The following FCHSD2 variants were observed in gnomAD, a reference collection of about 807,000 sequenced individuals.
The protein encoded by FCHSD2 is FCH and double SH3 domains 2, also known as F-BAR and double SH3 domains protein 2.
FCHSD2 carries 38 observed loss-of-function variants against 108.1 expected under a neutral mutation model. That is an observed-to-expected ratio of 0.35 (90% CI 0.27 to 0.46). The LOEUF (loss-of-function observed/expected upper bound fraction) is 0.46, where lower values mean the gene tolerates loss of function less well. Ranked by LOEUF, FCHSD2 falls within the 20% of genes least tolerant of loss-of-function variation. The pLI is 1.00. For synonymous variants in FCHSD2, 279 were observed against 314.7 expected (o/e 0.89, Z 1.20); for missense variants, 751 against 897.8 (o/e 0.84, Z 2.09).
chr11:73,140,977 G>A (rs1451302806), intron 1 of FCHSD2, among the ~76,000 whole-genome samples: 1 of 152,258 alleles, frequency 6.6e-6, no homozygotes, highest in Non-Finnish European at 1.5e-5. Flanking sequence ...AGCGGCAGCA[G>A]ACACGGGTGA....
chr11:72,862,774 T>C (rs1006225110), intron 13 of FCHSD2, among the ~76,000 whole-genome samples: 2 of 152,118 alleles, frequency 1.3e-5, no homozygotes, highest in African/African-American at 4.8e-5. Flanking sequence ...CCAAAACAAC[T>C]TTGATAAAGA....
intron 2 of FCHSD2, among the ~76,000 whole-genome samples, chr11:73,103,484 A>G (rs902397694): frequency 6.6e-6 from 1 of 152,148 alleles, no homozygotes; most frequent in Non-Finnish European, 1.5e-5. Flanking sequence ...GGTGAACCAA[A>G]TATCTGCCGC....
At chr11:72,850,479 G>A (rs533398139) in intron 13 of FCHSD2, among the ~76,000 whole-genome samples, 6 of 151,312 alleles carry the variant, frequency 4.0e-5, no homozygotes, top group Admixed American at 4.0e-4. Flanking sequence ...TCAGCCTCCC[G>A]AGTAGCTGGG....
At chr11:72,958,595 ATAAG>A (rs1565341892) in intron 8 of FCHSD2, among the ~76,000 whole-genome samples, 1 of 152,164 alleles carries the variant, frequency 6.6e-6, no homozygotes, top group East Asian at 1.9e-4. Flanking sequence ...ACAAAATCTA[ATAAG>A]TGAGTATTTC....
chr11:72,922,294 G>A (rs1004742651), intron 8 of FCHSD2, among the ~76,000 whole-genome samples: 6 of 152,134 alleles, frequency 3.9e-5, no homozygotes, highest in African/African-American at 1.4e-4. Flanking sequence ...TGCAGGTGCA[G>A]TGCCTGGAAA....
At chr11:73,138,543 A>G (rs1051531424) in intron 2 of FCHSD2, among the ~76,000 whole-genome samples, 4 of 152,144 alleles carry the variant, frequency 2.6e-5, no homozygotes, top group South Asian at 2.1e-4. Context: ...AGTTTGCTTA[A>G]TAAGTTAAAA....
intron 2 of FCHSD2, among the ~76,000 whole-genome samples, chr11:73,088,587 T>A (rs564723974): frequency 6.6e-6 from 1 of 152,164 alleles, no homozygotes; most frequent in African/African-American, 2.4e-5. Flanking sequence ...AGTAAACATA[T>A]AATGTTTGAA....
intron 12 of FCHSD2, among the ~76,000 whole-genome samples, chr11:72,885,848 T>C (rs780540426): frequency 2.6e-5 from 4 of 152,144 alleles, no homozygotes; most frequent in Non-Finnish European, 5.9e-5. Context: ...GAAAAATGAC[T>C]ATTCATTGTA....
Position 73,046,545 on chromosome 11 carries a change from G to C in FCHSD2, c.166-30660C>G, listed in dbSNP as rs574680163. 3.3e-5 allele frequency among the ~76,000 whole-genome samples: 5 copies of C among 151,876 alleles called. 1 individual carries two copies. Among genetic ancestry groups the C allele is most frequent in the African/African-American group, 1.2e-4 (5 of 41,428 alleles). Reference sequence around the variant, plus strand: ...ATGCACCACATTACTATAAATTATTGGTAGAAATATAAATTGGTGTAGCAT... The same window carrying C: ...ATGCACCACATTACTATAAATTATTCGTAGAAATATAAATTGGTGTAGCAT... On this transcript the variant is annotated intron_variant, in intron 3 of 19. Coordinates refer to ENST00000409418, the MANE Select transcript of FCHSD2 (RefSeq NM_014824.3).
intron 8 of FCHSD2, among the ~76,000 whole-genome samples, chr11:72,956,254 C>T (rs903681619): frequency 6.6e-6 from 1 of 152,086 alleles, no homozygotes; most frequent in Admixed American, 6.6e-5. Flanking sequence ...AAACTTCTTC[C>T]TTCCATTAGA....
chr11:73,126,508 G>A (rs75792944), intron 2 of FCHSD2, among the ~76,000 whole-genome samples: 25 of 151,940 alleles, frequency 1.6e-4, no homozygotes, highest in African/African-American at 5.5e-4. Context: ...GTACATATTA[G>A]AAATAAATTT....
intron 13 of FCHSD2, among the ~76,000 whole-genome samples, chr11:72,854,582 C>T (rs1307020313): frequency 2.0e-5 from 3 of 152,112 alleles, no homozygotes; most frequent in East Asian, 1.9e-4. Flanking sequence ...CAGGAACATG[C>T]CACCATGCCC....
At chr11:72,864,073 A>C (rs1854661887) in intron 13 of FCHSD2, among the ~76,000 whole-genome samples, 1 of 152,258 alleles carries the variant, frequency 6.6e-6, no homozygotes, top group Non-Finnish European at 1.5e-5. Flanking sequence ...ATTTATTTAT[A>C]TGCAACTCTG....
chr11:72,870,303 TATGCCTGTTTGATATAA>T (rs1362313404), intron 12 of FCHSD2, among the ~76,000 whole-genome samples: 1 of 152,240 alleles, frequency 6.6e-6, no homozygotes, highest in Non-Finnish European at 1.5e-5. Flanking sequence ...TTTAACTAAG[TATGCCTGTTTGATATAA>T]TTGGGGGCTC....
At chr11:72,998,122 A>G (rs1359638517) in intron 5 of FCHSD2, among the ~76,000 whole-genome samples, 1 of 152,258 alleles carries the variant, frequency 6.6e-6, no homozygotes, top group East Asian at 1.9e-4. Flanking sequence ...TAGAAAAGAC[A>G]TGAACAGAGT....
intron 9 of FCHSD2, among the ~76,000 whole-genome samples, chr11:72,908,920 C>T (rs1855690051): frequency 6.6e-6 from 1 of 152,166 alleles, no homozygotes; most frequent in South Asian, 2.1e-4. Flanking sequence ...TCCTACAGTG[C>T]TGGGATTACA....
At chr11:72,839,144 TCCAAAG>T (rs1860826026) in intron 19 of FCHSD2, among the ~76,000 whole-genome samples, 2 of 152,112 alleles carry the variant, frequency 1.3e-5, no homozygotes, top group South Asian at 4.1e-4. Context: ...TAGCACATCC[TCCAAAG>T]CAAAGGTCTG....
intron 3 of FCHSD2, among the ~76,000 whole-genome samples, chr11:73,069,902 T>C (rs1036519950): frequency 3.9e-4 from 59 of 152,094 alleles, no homozygotes; most frequent in African/African-American, 1.4e-3. Flanking sequence ...TCAGATTATA[T>C]ATAAAACAAT....
At chr11:72,907,370 G>A (rs1026067023) in intron 9 of FCHSD2, among the ~76,000 whole-genome samples, 3 of 152,112 alleles carry the variant, frequency 2.0e-5, no homozygotes, top group African/African-American at 7.2e-5. Context: ...CCAATACTAT[G>A]TTGAATACAA....
Sources: allele counts gnomAD v4.1 joint callset (sites outside exome capture counted in the v4.1 genomes callset), GRCh38; gene constraint gnomAD v4.1.1; transcripts MANE v1.5; gene names NCBI Gene and HGNC (gene_info 2026-07-23, HGNC 2026-07-21).